The following PXDN variants were observed in gnomAD, a reference collection of about 807,000 sequenced individuals.
PXDN encodes the protein peroxidasin.
In PXDN, 77 loss-of-function variants were observed where a neutral mutation model predicts 140.3. The ratio of observed to expected loss-of-function variants is 0.55; its 90% CI spans 0.46 to 0.66. The LOEUF (loss-of-function observed/expected upper bound fraction) is 0.66, where lower values mean the gene tolerates loss of function less well. Among genes scored for constraint, PXDN ranks in the 30% least tolerant of loss-of-function variants. The pLI is 0.00. For missense variants in PXDN, 1,838 were observed against 2,039.5 expected (o/e 0.90, Z 1.90); for synonymous variants, 911 against 857.4 (o/e 1.06, Z -1.09).
Position 1,665,060 on chromosome 2 carries a change from T to G in PXDN, c.1306A>C (p.Thr436Pro). Reference sequence around the variant, plus strand: ...ACGACTCTGTCCTGAGGCGTCACAGTGAACTGAGGAAGAGCTTCCGGAGAG... The same window carrying G: ...ACGACTCTGTCCTGAGGCGTCACAGGGAACTGAGGAAGAGCTTCCGGAGAG... ...FIIVQALPQF[T>P]VTPQDRVVIE... The change falls in exon 11 of 23, where the codon ACT becomes CCT. Residue 436 changes from threonine (T) to proline (P), a missense_variant. This residue lies in a region of PXDN where 537 missense variants were observed against 583.9 expected (regional missense o/e 0.92). Coordinates refer to ENST00000252804, the MANE Select transcript of PXDN (RefSeq NM_012293.3). 4 of 1,606,660 alleles carry G rather than the reference T, an allele frequency of 2.5e-6. No individual in the cohort carries two copies. The highest frequency in any genetic ancestry group is 3.4e-6 in the Non-Finnish European group (4 of 1,175,624).
rs774682908 is a variant in PXDN at position 1,673,616 on chromosome 2, C to G, written c.1018+27G>C. The stretch of plus-strand genomic sequence containing the variant: ...TGAGGGACGACAATTCTGGATGGAA[C>G]CCCGGTGTGAAATGCCCGCCACATA... On this transcript the variant is annotated intron_variant, in intron 9 of 22. Coordinates refer to ENST00000252804, the MANE Select transcript of PXDN (RefSeq NM_012293.3). 9 of 1,594,674 alleles carry G rather than the reference C, an allele frequency of 5.6e-6. No individual in the cohort carries two copies. The Admixed American group carries it at 1.5e-4, about 27-fold the overall frequency.
chr2:1,715,350 C>T (rs1684870109), intron 1 of PXDN, among the ~76,000 whole-genome samples: 1 of 152,092 alleles, frequency 6.6e-6, no homozygotes, highest in Non-Finnish European at 1.5e-5. Context: ...TACTGCAGGC[C>T]GTCATCTGTC....
intron 1 of PXDN, among the ~76,000 whole-genome samples, chr2:1,741,972 G>A (rs1229428986): frequency 1.3e-5 from 2 of 152,064 alleles, no homozygotes; most frequent in African/African-American, 4.8e-5. Flanking sequence ...TCTTCCCTCA[G>A]TCCCTGCCTC....
Position 1,648,496 on chromosome 2 carries a change from T to C in PXDN, c.3284A>G (p.His1095Arg). 1 of 1,611,350 alleles carries C rather than the reference T, an allele frequency of 6.2e-7. No homozygotes were observed. The highest frequency in any genetic ancestry group is 8.5e-7 in the Non-Finnish European group (1 of 1,179,704). The change falls in exon 17 of 23, where the codon CAC becomes CGC. Residue 1095 changes from histidine (H) to arginine (R), a missense_variant. Physicochemically the swap from His to Arg is conservative, Grantham distance 29. Coordinates refer to ENST00000252804, the MANE Select transcript of PXDN (RefSeq NM_012293.3). The surrounding 1 kb of genome is among the most constrained non-coding windows in gnomAD (Gnocchi z 8.9). Reference protein sequence around the residue: ...DENFQPIAQDHLPLHKAFFSP... With the variant: ...DENFQPIAQDRLPLHKAFFSP... ...GAAGAAAGCTTTGTGAAGGGGGAGGTGATCTTGTGCAATGGGCTGGAAGTT... is the reference window on the plus strand; with the variant it reads ...GAAGAAAGCTTTGTGAAGGGGGAGGCGATCTTGTGCAATGGGCTGGAAGTT...
At chr2:1,710,585 C>CCCTCTCCACCAGCACCCACT (rs1684732236) in intron 1 of PXDN, among the ~76,000 whole-genome samples, 6 of 146,272 alleles carry the variant, frequency 4.1e-5, no homozygotes, top group African/African-American at 1.6e-4. Context: ...TCCACTAGCA[C>CCCTCTCCACCAGCACCCACT]CCTCTCCACC....
At chr2:1,666,082 G>T in intron 10 of PXDN, 132 bp downstream of exon 10, 1 of 1,288,648 alleles carries the variant, frequency 7.8e-7, no homozygotes, top group Non-Finnish European at 1.1e-6. Context: ...GGGTGTAATG[G>T]ATAAAAATCA....
chr2:1,649,791 C>T lies in PXDN; in HGVS notation c.2105-116G>A. On this transcript the variant is annotated intron_variant, in intron 16 of 22. Coordinates refer to ENST00000252804, the MANE Select transcript of PXDN (RefSeq NM_012293.3). This position sits in a 1 kb window ranked among gnomAD's most constrained non-coding sequence, Gnocchi z 7.1. ...GGCTATCTACCCCCAGCTCATGAAA[C>T]CTGTTGTGCGCCATGCAACAAGCGC... 8.2e-7 allele frequency: 1 copy of T among 1,223,402 alleles called. No homozygotes were observed. The highest frequency in any genetic ancestry group is 1.3e-5 in the South Asian group (1 of 78,072). The allele number at this position is 1,223,402 out of a possible 1,614,324, so 75.8% of individuals were successfully genotyped here. A position where few individuals can be genotyped will look rare whatever the true frequency, so the allele number is the denominator to read the frequency against.
In PXDN at chr2:1,661,049, C is replaced by G; in HGVS notation, c.1681-12G>C. On this transcript the variant is annotated splice_polypyrimidine_tract_variant and intron_variant, in intron 13 of 22. Transcript: ENST00000252804. Reference sequence around the variant, plus strand: ...ACCTGAACCCCATCCTGGAGCAAAACAGAATGAAAACAGTATTAGAAATAA... The same window carrying G: ...ACCTGAACCCCATCCTGGAGCAAAAGAGAATGAAAACAGTATTAGAAATAA... The G allele has an allele frequency of 6.2e-7, 1 of 1,613,774 alleles. No individual in the cohort carries two copies. Among genetic ancestry groups the G allele is most frequent in the Non-Finnish European group, 8.5e-7 (1 of 1,179,740 alleles).
At chr2:1,693,032 T>C in intron 2 of PXDN, 31 bp downstream of exon 2, 1 of 1,492,316 alleles carries the variant, frequency 6.7e-7, no homozygotes, top group Non-Finnish European at 9.2e-7. Flanking sequence ...TCTATTTTTC[T>C]ATTAGTTTCC....
chr2:1,684,929 G>C (rs1419957517), intron 4 of PXDN, among the ~76,000 whole-genome samples: 1 of 152,222 alleles, frequency 6.6e-6, no homozygotes, highest in Non-Finnish European at 1.5e-5. Context: ...GCCCACTCAG[G>C]TGTCCCCTGC....
intron 1 of PXDN, among the ~76,000 whole-genome samples, chr2:1,724,387 CT>C (rs1176716355): frequency 7.2e-6 from 1 of 139,050 alleles, no homozygotes; most frequent in African/African-American, 2.6e-5. Flanking sequence ...ATAGTAGGTT[CT>C]TTTGACAAAA....
intron 1 of PXDN, among the ~76,000 whole-genome samples, chr2:1,732,455 A>T (rs572940636): frequency 6.7e-6 from 1 of 149,086 alleles, no homozygotes; most frequent in East Asian, 1.9e-4. Flanking sequence ...TCACACACAC[A>T]CTGGGCCAGA....
At position 1,714,088 on chromosome 2, in the gene PXDN, G is replaced by A. The variant is rs1684843921; in HGVS notation, c.201-20954C>T. ...TTTGGAAATGGCCTTCGGATAAACA[G>A]CTTCAAGAAAGCGCATCCGTCACCT... is the stretch of plus-strand genomic sequence containing the variant. On this transcript the variant is annotated intron_variant, in intron 1 of 22. Transcript: ENST00000252804. The surrounding 1 kb of genome is among the most constrained non-coding windows in gnomAD (Gnocchi z 4.3). Among the ~76,000 whole-genome samples the A allele has an allele frequency of 6.6e-6, 1 of 152,176 alleles. No homozygotes were observed. Among genetic ancestry groups the A allele is most frequent in the African/African-American group, 2.4e-5 (1 of 41,456 alleles).
Position 1,683,688 on chromosome 2 carries a change from C to T in PXDN, c.528G>A (p.Gly176=), listed in dbSNP as rs545134354. The change falls in exon 6 of 23, where the codon GGG becomes GGA. Residue 176 remains glycine (G), a synonymous_variant. Transcript: ENST00000252804. ...HNNRITHLVP[G]TFNHLESMKR... ...TCATAGATTCCAAGTGATTAAATGT[C>T]CCTGGAACTAAATGTGTAATCCGGT... is the stretch of plus-strand genomic sequence containing the variant. The T allele has an allele frequency of 3.7e-6, 6 of 1,607,814 alleles. No homozygotes were observed. The highest frequency in any genetic ancestry group is 5.1e-6 in the Non-Finnish European group (6 of 1,177,950).
At chr2:1,666,856 A>G (rs1683456890) in intron 9 of PXDN, among the ~76,000 whole-genome samples, 1 of 152,250 alleles carries the variant, frequency 6.6e-6, no homozygotes, top group South Asian at 2.1e-4. Context: ...AATTATTGTT[A>G]GGGAAGTATA....
At position 1,744,362 on chromosome 2, in the gene PXDN, G is replaced by A. The variant is rs1226495043; in HGVS notation, c.94C>T (p.Pro32Ser). ...WGTLAVVAQKPGAGCPSRCLC... is the reference protein window; with the variant it reads ...WGTLAVVAQKSGAGCPSRCLC... ...CAGCGGCTCGGACACCCTGCGCCCG[G>A]CTTCTGGGCCACCACGGCCAGCGTC... The change falls in exon 1 of 23, where the codon CCG becomes TCG. Residue 32 changes from proline to serine, a missense_variant. Physicochemically the swap from Pro to Ser is moderately conservative, Grantham distance 74 (BLOSUM62 -1). Transcript: ENST00000252804. 2 of 1,527,082 alleles carry A rather than the reference G, an allele frequency of 1.3e-6. No homozygotes were observed. Among genetic ancestry groups the A allele is most frequent in the Admixed American group, 2.0e-5 (1 of 50,644 alleles). 94.6% of individuals were successfully genotyped at this position (1,527,082 alleles called of 1,614,324 possible). A position where few individuals can be genotyped will look rare whatever the true frequency, so the allele number is the denominator to read the frequency against.
intron 1 of PXDN, among the ~76,000 whole-genome samples, chr2:1,717,291 G>C (rs923945198): frequency 5.9e-5 from 9 of 152,080 alleles, no homozygotes; most frequent in Non-Finnish European, 1.5e-5. Flanking sequence ...AAAGTCTGAC[G>C]GGAACAGAGA....
intron 1 of PXDN, among the ~76,000 whole-genome samples, chr2:1,705,952 C>T (rs1028227767): frequency 7.3e-6 from 1 of 136,612 alleles, no homozygotes. Context: ...ATTACGGCCT[C>T]CCCCAGGCAC....
At chr2:1,665,132 G>T in intron 10 of PXDN, 58 bp from the exon 11 acceptor site, 1 of 1,305,620 alleles carries the variant, frequency 7.7e-7, no homozygotes, top group Non-Finnish European at 1.1e-6. Flanking sequence ...GGGTAAAAAC[G>T]CGACCAAGAA....
Sources: gnomAD v4.1 joint callset for allele counts (sites outside exome capture counted in the v4.1 genomes callset) on GRCh38, gnomAD v4.1.1 for gene constraint, gnomAD v4.1.1 regional missense constraint, Gnocchi (gnomAD v3.1) non-coding constraint, MANE v1.5 for transcripts, NCBI Gene and HGNC (gene_info 2026-07-23, HGNC 2026-07-21) for gene names.